SREBF2: variants seen among roughly 807,000 people sequenced by gnomAD.
SREBF2 encodes sterol regulatory element binding transcription factor 2.
SREBF2 carries 55 observed loss-of-function variants against 113.1 expected under a neutral mutation model. That is an observed-to-expected ratio of 0.49 (90% CI 0.39 to 0.61). The LOEUF (loss-of-function observed/expected upper bound fraction) is 0.61, where lower values mean the gene tolerates loss of function less well. SREBF2 is among the 20% of genes least tolerant of loss of function. SREBF2 has a pLI of 0.00. For missense variants in SREBF2, 1,349 were observed against 1,487.4 expected, an observed-to-expected ratio of 0.91 and a Z score of 1.53; for synonymous variants, 593 against 605.7, an observed-to-expected ratio of 0.98 and a Z score of 0.31.
chr22:41,857,076 A>AAC (rs986060227), intron 1 of SREBF2, among the ~76,000 whole-genome samples: 2 of 151,874 alleles, frequency 1.3e-5, no homozygotes, highest in African/African-American at 4.8e-5. Flanking sequence ...CAAAAAAAAA[A>AAC]AAAAAAGAAT....
intron 11 of SREBF2, among the ~76,000 whole-genome samples, chr22:41,888,519 T>C (rs916205356): frequency 6.6e-6 from 1 of 152,242 alleles, no homozygotes; most frequent in African/African-American, 2.4e-5. Flanking sequence ...GGCTGAGTTT[T>C]CTCTTACGTC....
In SREBF2 at chr22:41,871,848, G is replaced by A. The variant is rs185991262; in HGVS notation, c.867+813G>A. Among the ~76,000 whole-genome samples the A allele has an allele frequency of 2.5e-3, 379 of 148,958 alleles. 1 individual carries two copies. Among genetic ancestry groups the A allele is most frequent in the Non-Finnish European group, 3.6e-3 (245 of 67,582 alleles). Reference sequence around the variant, plus strand: ...TGAGAGGTGGAAGCTGCAGTGAGCCGAGATCGCACCACTGCACTCCAGCCT... The same window carrying A: ...TGAGAGGTGGAAGCTGCAGTGAGCCAAGATCGCACCACTGCACTCCAGCCT... On this transcript the variant is annotated intron_variant, in intron 4 of 18. Transcript: ENST00000361204.
intron 1 of SREBF2, among the ~76,000 whole-genome samples, chr22:41,859,694 A>G (rs2077007575): frequency 6.6e-6 from 1 of 151,874 alleles, no homozygotes; most frequent in African/African-American, 2.4e-5. Flanking sequence ...TATCTCATCA[A>G]TCCGTGAGTT....
At chr22:41,856,175 G>T (rs572459175) in intron 1 of SREBF2, among the ~76,000 whole-genome samples, 3 of 151,784 alleles carry the variant, frequency 2.0e-5, no homozygotes, top group African/African-American at 7.3e-5. Context: ...CACCCAGGTT[G>T]GAGTACAGTG....
intron 14 of SREBF2, among the ~76,000 whole-genome samples, chr22:41,898,144 C>G (rs1457508311): frequency 6.6e-6 from 1 of 152,084 alleles, no homozygotes; most frequent in Non-Finnish European, 1.5e-5. Context: ...GAGTCTTACT[C>G]TTGTTGCCCA....
intron 10 of SREBF2, among the ~76,000 whole-genome samples, chr22:41,882,082 G>A (rs2077251240): frequency 6.6e-6 from 1 of 152,058 alleles, no homozygotes; most frequent in East Asian, 1.9e-4. Context: ...TGGCAGATAA[G>A]GAGTGGATCC....
At chr22:41,835,913 CTG>C (rs1375060220) in intron 1 of SREBF2, among the ~76,000 whole-genome samples, 2 of 152,270 alleles carry the variant, frequency 1.3e-5, no homozygotes, top group Non-Finnish European at 2.9e-5. Context: ...GCATGAGCCA[CTG>C]TACCCGACCC....
intron 3 of SREBF2, 118 bp downstream of exon 3, chr22:41,868,910 A>C: frequency 7.4e-7 from 1 of 1,346,696 alleles, no homozygotes. Flanking sequence ...AGCAGCTTGT[A>C]GGGCGCCAGG....
intron 15 of SREBF2, chr22:41,899,134 G>A (rs1197894950): frequency 1.1e-5 from 10 of 891,942 alleles, no homozygotes; most frequent in African/African-American, 1.8e-5. Context: ...GCAGGCACTG[G>A]TGGTTCACAA....
chr22:41,867,300 G>A lies in SREBF2; in HGVS notation c.538+20G>A, dbSNP rs2077091604. 1 of 1,613,316 alleles carries A rather than the reference G, an allele frequency of 6.2e-7. No individual in the cohort carries two copies. The highest frequency in any genetic ancestry group is 8.5e-7 in the Non-Finnish European group (1 of 1,179,634). On this transcript the variant is annotated intron_variant, in intron 2 of 18. Coordinates refer to ENST00000361204, the MANE Select transcript of SREBF2 (RefSeq NM_004599.4). ...TTCAAGGTGATTCAGAAGTTAGAAT[G>A]GTAGTGGTTGGTTGGTTCCAATGTT...
chr22:41,865,966 C>T (rs2077070494), intron 1 of SREBF2, among the ~76,000 whole-genome samples: 1 of 152,128 alleles, frequency 6.6e-6, no homozygotes, highest in Non-Finnish European at 1.5e-5. Context: ...ACTTGGTTGT[C>T]CCTGAGTGTT....
chr22:41,844,378 T>TC (rs1229967244), intron 1 of SREBF2, among the ~76,000 whole-genome samples: 3 of 152,184 alleles, frequency 2.0e-5, no homozygotes, highest in Admixed American at 2.0e-4. Flanking sequence ...GTTTATTTTT[T>TC]CCTTTTGAAA....
At chr22:41,877,162 A>T in intron 7 of SREBF2, 67 bp from the exon 8 acceptor site, 1 of 1,427,028 alleles carries the variant, frequency 7.0e-7, no homozygotes, top group Non-Finnish European at 9.9e-7. Flanking sequence ...ATATATATAT[A>T]TGTATTTATA....
chr22:41,897,192 G>C, intron 14 of SREBF2, 31 bp downstream of exon 14: 1 of 1,513,998 alleles, frequency 6.6e-7, no homozygotes, highest in Non-Finnish European at 9.1e-7. Flanking sequence ...CACAGTCTCA[G>C]GGTGCTCAGT....
At chr22:41,871,158 C>T (rs1262372701) in intron 4 of SREBF2, 123 bp downstream of exon 4, 2 of 1,326,656 alleles carry the variant, frequency 1.5e-6, no homozygotes, top group African/African-American at 1.5e-5. Context: ...ACAAATCAGT[C>T]AAATTGTAAA....
intron 1 of SREBF2, among the ~76,000 whole-genome samples, chr22:41,836,277 G>A (rs925217614): frequency 2.0e-5 from 3 of 152,240 alleles, no homozygotes; most frequent in Non-Finnish European, 4.4e-5. Flanking sequence ...TTTCTGAGCT[G>A]TAAGGAATCG....
At chr22:41,858,362 A>G (rs1852916272) in intron 1 of SREBF2, among the ~76,000 whole-genome samples, 1 of 152,244 alleles carries the variant, frequency 6.6e-6, no homozygotes, top group Admixed American at 6.5e-5. Context: ...CACAGAAGCC[A>G]TGTAATTTCA....
At position 41,833,394 on chromosome 22, in the gene SREBF2, CG is replaced by C. The variant is rs779207483; in HGVS notation, c.88+40del. The C allele has an allele frequency of 1.1e-5, 11 of 1,025,396 alleles. No homozygotes were observed. In the South Asian group the frequency reaches 1.5e-4, roughly 14 times the overall value. 63.5% of individuals were successfully genotyped at this position (1,025,396 alleles called of 1,614,324 possible). On this transcript the variant is annotated intron_variant, in intron 1 of 18. Transcript: ENST00000361204. The surrounding 1 kb of genome is among the most constrained non-coding windows in gnomAD (Gnocchi z 4.1). ...GGTGGGTGGGAGTGCGGGGGCCGCGCGGGGAGGAAGGGGTTACGGCGGCGCG... is the reference window on the plus strand; with the variant it reads ...GGTGGGTGGGAGTGCGGGGGCCGCGCGGGAGGAAGGGGTTACGGCGGCGCG...
chr22:41,839,555 G>A (rs940953523), intron 1 of SREBF2, among the ~76,000 whole-genome samples: 3 of 152,210 alleles, frequency 2.0e-5, no homozygotes, highest in Non-Finnish European at 4.4e-5. Flanking sequence ...GCAGGGGTGA[G>A]TGGGAGATGG....
Sources: gnomAD v4.1 joint callset for allele counts (sites outside exome capture counted in the v4.1 genomes callset) on GRCh38, gnomAD v4.1.1 for gene constraint, Gnocchi (gnomAD v3.1) non-coding constraint, MANE v1.5 for transcripts, NCBI Gene and HGNC (gene_info 2026-07-23, HGNC 2026-07-21) for gene names.